The following MSN variants were observed in gnomAD, a reference collection of about 807,000 sequenced individuals.
MSN encodes moesin.
MSN carries 2 observed loss-of-function variants against 48.0 expected under a neutral mutation model. The observed-to-expected ratio is 0.04, with a 90% CI of 0.02 to 0.13. The LOEUF (loss-of-function observed/expected upper bound fraction) is 0.13. Ranked by LOEUF, MSN falls within the 10% of genes least tolerant of loss-of-function variation. The pLI is 1.00. For synonymous variants in MSN, 146 were observed against 166.9 expected, an observed-to-expected ratio of 0.87 and a Z score of 0.97; for missense variants, 267 against 470.1, an observed-to-expected ratio of 0.57 and a Z score of 3.99.
At chrX:65,725,598 C>T (rs1276402007) in intron 2 of MSN, among the ~76,000 whole-genome samples, 4 of 111,584 alleles carry the variant, frequency 3.6e-5, no homozygotes, top group East Asian at 2.8e-4. Context: ...TTTCTGTTCA[C>T]GCCCACCCAC....
At chrX:65,696,645 G>A (rs1463907643) in intron 1 of MSN, among the ~76,000 whole-genome samples, 1 of 111,176 alleles carries the variant, frequency 9.0e-6, no homozygotes, top group Non-Finnish European at 1.9e-5. Flanking sequence ...GCTCACCTCA[G>A]CATTGAGGGG....
intron 1 of MSN, among the ~76,000 whole-genome samples, chrX:65,658,913 T>C (rs897496884): frequency 6.4e-5 from 7 of 109,740 alleles, no homozygotes; most frequent in Non-Finnish European, 7.6e-5. Context: ...GGCGCAACCT[T>C]GGCTCACTGC....
intron 1 of MSN, among the ~76,000 whole-genome samples, chrX:65,673,678 C>T (rs2070966596): frequency 8.9e-6 from 1 of 111,846 alleles, no homozygotes; most frequent in African/African-American, 3.3e-5. Flanking sequence ...CCCAGAGCTT[C>T]CCTAGCCTTA....
intron 1 of MSN, among the ~76,000 whole-genome samples, chrX:65,634,876 G>A (rs1602739389): frequency 9.0e-6 from 1 of 111,196 alleles, no homozygotes; most frequent in Non-Finnish European, 1.9e-5. Context: ...CCTTCTGTCT[G>A]TTATGGCCCC....
At chrX:65,701,065 G>A (rs779910780) in intron 1 of MSN, among the ~76,000 whole-genome samples, 2 of 111,930 alleles carry the variant, frequency 1.8e-5, no homozygotes, top group Non-Finnish European at 3.8e-5. Context: ...AGTTCCAAGA[G>A]CATCAAGGAA....
chrX:65,626,344 G>A (rs1225787037), intron 1 of MSN, among the ~76,000 whole-genome samples: 1 of 111,502 alleles, frequency 9.0e-6, no homozygotes, highest in Non-Finnish European at 1.9e-5. Flanking sequence ...TTTTTTGTAT[G>A]CTTTGTGATT....
intron 1 of MSN, among the ~76,000 whole-genome samples, chrX:65,620,028 G>A (rs1454594236): frequency 8.9e-6 from 1 of 111,947 alleles, no homozygotes; most frequent in Non-Finnish European, 1.9e-5. Context: ...TCGGGGATCA[G>A]GGGTCAGGGA....
intron 1 of MSN, among the ~76,000 whole-genome samples, chrX:65,661,125 G>A: frequency 9.1e-6 from 1 of 109,990 alleles, no homozygotes; most frequent in Non-Finnish European, 1.9e-5. Flanking sequence ...CATCATGCCT[G>A]GCTAATTTTT....
intron 5 of MSN, 63 bp from the exon 6 acceptor site, chrX:65,731,775 T>G: frequency 2.6e-6 from 3 of 1,145,554 alleles, no homozygotes; most frequent in Non-Finnish European, 3.5e-6. Flanking sequence ...TAAGCAGGCT[T>G]TCTATCTCCT....
chrX:65,614,676 TTTC>T (rs1390090411), intron 1 of MSN, among the ~76,000 whole-genome samples: 12 of 104,992 alleles, frequency 1.1e-4, no homozygotes, highest in African/African-American at 4.4e-4. Context: ...TGTTTTTTTT[TTTC>T]TTTTATTTAT....
intron 1 of MSN, among the ~76,000 whole-genome samples, chrX:65,710,813 C>T (rs1039289644): frequency 2.7e-5 from 3 of 109,706 alleles, no homozygotes; most frequent in Non-Finnish European, 3.8e-5. Context: ...TGGGTTCAAG[C>T]GATTCTCCTG....
At chrX:65,700,507 G>A (rs138528076) in intron 1 of MSN, among the ~76,000 whole-genome samples, 1 of 111,444 alleles carries the variant, frequency 9.0e-6, no homozygotes, top group East Asian at 2.8e-4. Flanking sequence ...GAGTGCACTG[G>A]GCACAATTAG....
intron 1 of MSN, among the ~76,000 whole-genome samples, chrX:65,597,520 AT>A (rs749624016): frequency 4.7e-5 from 5 of 106,831 alleles, no homozygotes; most frequent in African/African-American, 6.9e-5. Context: ...CTAATTTTTA[AT>A]TTTTTTTGTA....
intron 1 of MSN, among the ~76,000 whole-genome samples, chrX:65,708,675 T>A (rs2071385944): frequency 9.1e-6 from 1 of 109,545 alleles, no homozygotes; most frequent in South Asian, 3.9e-4. Context: ...AATGACAGGA[T>A]TTTTATTTAT....
chrX:65,603,033 C>T (rs1425837674), intron 1 of MSN, among the ~76,000 whole-genome samples: 1 of 112,322 alleles, frequency 8.9e-6, no homozygotes, highest in Non-Finnish European at 1.9e-5. Context: ...GTGGCTCACA[C>T]CTGTAATCCC....
At chrX:65,692,672 G>A (rs983295462) in intron 1 of MSN, among the ~76,000 whole-genome samples, 8 of 111,595 alleles carry the variant, frequency 7.2e-5, no homozygotes, top group Non-Finnish European at 1.5e-4. Context: ...TTGTTTGTTG[G>A]TTTTTGTTTG....
upstream of MSN, among the ~76,000 whole-genome samples, chrX:65,666,551 T>C (rs1370367982): frequency 9.0e-6 from 1 of 110,747 alleles, no homozygotes; most frequent in Admixed American, 9.6e-5. Context: ...ACTCCTGACC[T>C]CAGGTGATCA....
chrX:65,630,461 C>T (rs896084437), intron 1 of MSN, among the ~76,000 whole-genome samples: 1 of 109,920 alleles, frequency 9.1e-6, no homozygotes, highest in Non-Finnish European at 1.9e-5. Context: ...TGGTATGTAC[C>T]TGTAATAATC....
At chrX:65,654,448 A>G (rs1269563661) in intron 1 of MSN, among the ~76,000 whole-genome samples, 3 of 109,685 alleles carry the variant, frequency 2.7e-5, no homozygotes, top group Non-Finnish European at 3.8e-5. Context: ...AGCCAACCTT[A>G]TATATCCTCC....
Sources: gnomAD v4.1 joint callset for allele counts (sites outside exome capture counted in the v4.1 genomes callset) on GRCh38, gnomAD v4.1.1 for gene constraint, MANE v1.5 for transcripts, NCBI Gene and HGNC (gene_info 2026-07-23, HGNC 2026-07-21) for gene names.